SH3BP5: variants seen among roughly 807,000 people sequenced by gnomAD.
SH3BP5 encodes SH3 domain-binding protein 5.
A neutral mutation model predicts 43.3 loss-of-function variants in SH3BP5; 22 were observed. That is an observed-to-expected ratio of 0.51 (90% CI 0.36 to 0.73). SH3BP5 has a LOEUF of 0.73. Ranked by LOEUF, SH3BP5 falls within the 30% of genes least tolerant of loss-of-function variation. The pLI is 0.00. For synonymous variants in SH3BP5, 255 were observed against 225.8 expected (o/e 1.13, Z -1.16); for missense variants, 529 against 586.9 (o/e 0.90, Z 1.02).
chr3:15,276,702 G>C (rs990733895), intron 3 of SH3BP5, among the ~76,000 whole-genome samples: 13 of 152,324 alleles, frequency 8.5e-5, no homozygotes, highest in African/African-American at 3.1e-4. Context: ...GTAGCTCCAA[G>C]TCAGGAAGAG....
chr3:15,324,416 G>A (rs547343286), intron 2 of SH3BP5, among the ~76,000 whole-genome samples: 50 of 152,272 alleles, frequency 3.3e-4, no homozygotes, highest in Non-Finnish European at 5.4e-4. Context: ...CTGGTCCCCA[G>A]TGCCCCACAC....
chr3:15,304,855 CAA>C (rs1383282285), intron 2 of SH3BP5, among the ~76,000 whole-genome samples: 3 of 142,626 alleles, frequency 2.1e-5, no homozygotes, highest in Non-Finnish European at 4.5e-5. Context: ...AACAACAACG[CAA>C]AGTTTCTGAG....
chr3:15,259,634 C>G, intron 6 of SH3BP5, 127 bp downstream of exon 6: 1 of 928,444 alleles, frequency 1.1e-6, no homozygotes, highest in East Asian at 2.4e-5. Context: ...TCTGAAAACT[C>G]AGTAAAGCCT....
chr3:15,265,559 C>CACAT (rs1285577992), intron 4 of SH3BP5, among the ~76,000 whole-genome samples: 1 of 142,820 alleles, frequency 7.0e-6, no homozygotes, highest in Non-Finnish European at 1.6e-5. Context: ...CACACACACA[C>CACAT]AACCCTCCAG....
intron 3 of SH3BP5, among the ~76,000 whole-genome samples, chr3:15,299,820 A>G (rs1189799160): frequency 6.6e-6 from 1 of 150,844 alleles, no homozygotes; most frequent in African/African-American, 2.5e-5. Context: ...GGATAGATAG[A>G]CATGGATATT....
At position 15,296,927 on chromosome 3, in the gene SH3BP5, G is replaced by A. The variant is rs376352081; in HGVS notation, c.330+7176C>T. Reference sequence around the variant, plus strand: ...GCCCAGGGTGGTATTGAACTCCTGGGCTCAAGCAATCCTCCCACCTCAATC... The same window carrying A: ...GCCCAGGGTGGTATTGAACTCCTGGACTCAAGCAATCCTCCCACCTCAATC... On this transcript the variant is annotated intron_variant, in intron 3 of 8. Coordinates refer to ENST00000383791, the MANE Select transcript of SH3BP5 (RefSeq NM_004844.5). Among the ~76,000 whole-genome samples, 72 of 151,312 alleles carry A rather than the reference G, an allele frequency of 4.8e-4. No individual in the cohort carries two copies. The South Asian group carries it at 0.014, about 29-fold the overall frequency.
chr3:15,339,005 G>A lies in SH3BP5; in HGVS notation c.-402+2218C>T, dbSNP rs117062158. Among the ~76,000 whole-genome samples, 202 of 152,176 alleles carry A rather than the reference G, an allele frequency of 1.3e-3. 3 individuals carry two copies. In the East Asian group the frequency reaches 0.031, roughly 23 times the overall value. On this transcript the variant is annotated intron_variant, in intron 1 of 8. Coordinates refer to the SH3BP5 transcript ENST00000408919. ...GCCAAATCTCTCTTCTCTTCCCAGC[G>A]ACCCCTAAGGATCATGGCACATAGC...
intron 2 of SH3BP5, among the ~76,000 whole-genome samples, chr3:15,313,936 T>C (rs2688664): frequency 0.34 from 51,296 of 151,560 alleles, 9,024 homozygotes; most frequent in Non-Finnish European, 0.4. Flanking sequence ...ACCCCATCTC[T>C]ACTAAAAACA....
intron 2 of SH3BP5, among the ~76,000 whole-genome samples, chr3:15,323,164 A>AAATG (rs1263243705): frequency 5.8e-4 from 86 of 147,206 alleles, no homozygotes; most frequent in African/African-American, 2.1e-3. Context: ...ATAAATAAAT[A>AAATG]AAGCAGGGCT....
chr3:15,269,193 C>T (rs1053146962), intron 4 of SH3BP5, among the ~76,000 whole-genome samples: 12 of 152,098 alleles, frequency 7.9e-5, no homozygotes, highest in Admixed American at 3.3e-4. Context: ...ACACACAGTC[C>T]GCTTCCTCTG....
At chr3:15,324,854 TCCAA>T (rs1698421202) in intron 2 of SH3BP5, among the ~76,000 whole-genome samples, 1 of 113,158 alleles carries the variant, frequency 8.8e-6, no homozygotes, top group Non-Finnish European at 1.9e-5. Context: ...GCTCCTTGGG[TCCAA>T]AAAAAAAAAA....
chr3:15,327,670 G>T (rs907927111), intron 2 of SH3BP5, among the ~76,000 whole-genome samples: 15 of 152,354 alleles, frequency 9.8e-5, no homozygotes, highest in South Asian at 2.1e-4. Context: ...AACTCCTGGA[G>T]GGCAAGGTCT....
intron 3 of SH3BP5, among the ~76,000 whole-genome samples, chr3:15,271,290 C>T (rs1290565423): frequency 1.3e-5 from 2 of 152,014 alleles, no homozygotes; most frequent in African/African-American, 4.8e-5. Context: ...AGGCAGGAGA[C>T]CGCTTGAGGT....
intron 2 of SH3BP5, among the ~76,000 whole-genome samples, chr3:15,321,828 AT>A (rs1404752108): frequency 2.0e-5 from 3 of 149,120 alleles, no homozygotes; most frequent in East Asian, 2.0e-4. Context: ...AAAAAAAAAA[AT>A]CTAAAGTCTT....
At chr3:15,263,499 A>T (rs1696527883) in intron 4 of SH3BP5, among the ~76,000 whole-genome samples, 1 of 152,248 alleles carries the variant, frequency 6.6e-6, no homozygotes, top group Admixed American at 6.5e-5. Context: ...TAAGCAATTA[A>T]ATTAAAACCC....
intron 2 of SH3BP5, among the ~76,000 whole-genome samples, chr3:15,326,120 G>A (rs79450254): frequency 2.6e-4 from 39 of 152,260 alleles, no homozygotes; most frequent in African/African-American, 8.7e-4. Flanking sequence ...TGGTTAAAAG[G>A]TTCCTCCTTT....
intron 2 of SH3BP5, among the ~76,000 whole-genome samples, chr3:15,312,352 G>A (rs1170915234): frequency 6.6e-6 from 1 of 152,190 alleles, no homozygotes; most frequent in Non-Finnish European, 1.5e-5. Context: ...TTGTTAACAT[G>A]TAATAGGCTG....
intron 3 of SH3BP5, among the ~76,000 whole-genome samples, chr3:15,285,794 G>A (rs1363095462): frequency 2.6e-5 from 4 of 152,142 alleles, no homozygotes; most frequent in African/African-American, 9.7e-5. Context: ...GACTTCCCTG[G>A]GTCACTCAGC....
At chr3:15,305,277 C>T (rs1575331646) in intron 2 of SH3BP5, among the ~76,000 whole-genome samples, 1 of 152,220 alleles carries the variant, frequency 6.6e-6, no homozygotes, top group East Asian at 1.9e-4. Flanking sequence ...ATAGATTCAA[C>T]ACTGACCAAA....
Sources: allele counts gnomAD v4.1 joint callset (sites outside exome capture counted in the v4.1 genomes callset), GRCh38; gene constraint gnomAD v4.1.1; transcripts MANE v1.5; gene names NCBI Gene and HGNC (gene_info 2026-07-23, HGNC 2026-07-21).